LDB3: variants seen among roughly 807,000 people sequenced by gnomAD.
The protein encoded by LDB3 is LIM domain binding 3, also known as LIM domain-binding protein 3.
LDB3 carries 49 observed loss-of-function variants against 69.0 expected under a neutral mutation model. The ratio of observed to expected loss-of-function variants is 0.71; its 90% CI spans 0.56 to 0.90. The LOEUF (loss-of-function observed/expected upper bound fraction) is 0.90, where lower values mean the gene tolerates loss of function less well. LDB3 is among the 40% of genes least tolerant of loss of function. The pLI is 0.00. For synonymous variants in LDB3, 387 were observed against 396.2 expected (o/e 0.98, Z 0.28); for missense variants, 928 against 974.1 (o/e 0.95, Z 0.63).
Position 86,680,109 on chromosome 10 carries a change from G to T in LDB3, c.273G>T (p.Thr91=). Residue 91 remains threonine, a synonymous_variant, in exon 4 of 14, where the codon ACG becomes ACT. Transcript: ENST00000361373. ...CAAAGCGTCCCATTCCCATCTCCAC[G>T]ACAGCACCTCCAGTCCAGACCCCTC... is the stretch of plus-strand genomic sequence containing the variant. The part of the protein sequence containing the change: ...QKSKRPIPIS[T]TAPPVQTPLP... 2 of 1,614,120 alleles carry T rather than the reference G, an allele frequency of 1.2e-6. No homozygotes were observed. The highest frequency in any genetic ancestry group is 1.7e-6 in the Non-Finnish European group (2 of 1,179,986).
intron 3 of LDB3, 33 bp downstream of exon 3, chr10:86,679,551 G>A: frequency 6.2e-7 from 1 of 1,612,394 alleles, no homozygotes; most frequent in East Asian, 2.2e-5. Context: ...AGGGGGCGGA[G>A]GTTTGGGTGT....
At chr10:86,713,711 C>T (rs1355039727) in intron 9 of LDB3, among the ~76,000 whole-genome samples, 2 of 152,208 alleles carry the variant, frequency 1.3e-5, no homozygotes, top group Non-Finnish European at 2.9e-5. Context: ...CACTTCTTCC[C>T]CCAGCATTTT....
intron 7 of LDB3, among the ~76,000 whole-genome samples, chr10:86,696,967 T>C (rs117340659): frequency 0.054 from 8,233 of 152,252 alleles, 341 homozygotes; most frequent in Non-Finnish European, 0.073. Flanking sequence ...AAATATGTTA[T>C]ATGTTAGCAG....
At chr10:86,677,865 T>C (rs1258798708) in intron 2 of LDB3, among the ~76,000 whole-genome samples, 5 of 152,152 alleles carry the variant, frequency 3.3e-5, no homozygotes, top group East Asian at 1.9e-4. Flanking sequence ...ACTAAGATGC[T>C]TTTGAGTGGG....
intron 9 of LDB3, among the ~76,000 whole-genome samples, chr10:86,711,286 G>C (rs775343441): frequency 2.0e-5 from 3 of 152,150 alleles, no homozygotes; most frequent in Non-Finnish European, 4.4e-5. Flanking sequence ...GGCTCCGGGG[G>C]CGCGCGGCCA....
chr10:86,670,311 T>C (rs1240310982), intron 2 of LDB3, among the ~76,000 whole-genome samples: 1 of 152,126 alleles, frequency 6.6e-6, no homozygotes, highest in Non-Finnish European at 1.5e-5. Context: ...CCTGTGAGCA[T>C]GTGAGCCCCA....
chr10:86,732,003 C>CTTTTTTTTT lies in LDB3; in HGVS notation c.2095-879_2095-878insTTTTTTTTT, dbSNP rs755552822. ...TTAACTAATTTTCTTTTCTTTCTTT[C>CTTTTTTTTT]TTTTTCTTTTTTTTTTTTTTTGGTA... is the stretch of plus-strand genomic sequence containing the variant. On this transcript the variant is annotated intron_variant, in intron 13 of 13. Coordinates refer to ENST00000361373, the MANE Select transcript of LDB3 (RefSeq NM_007078.3). Among the ~76,000 whole-genome samples the CTTTTTTTTT allele has an allele frequency of 2.4e-4, 29 of 123,210 alleles. 2 individuals carry two copies. Among genetic ancestry groups the CTTTTTTTTT allele is most frequent in the African/African-American group, 5.8e-4 (18 of 31,252 alleles). 80.8% of individuals were successfully genotyped at this position (123,210 alleles called of 152,430 possible).
chr10:86,690,479 C>G (rs1334333288), intron 5 of LDB3, among the ~76,000 whole-genome samples: 1 of 152,234 alleles, frequency 6.6e-6, no homozygotes, highest in African/African-American at 2.4e-5. Flanking sequence ...GCTGCCAGTA[C>G]CTATAGCTCT....
chr10:86,702,445 G>A (rs763162469), intron 7 of LDB3, among the ~76,000 whole-genome samples: 1 of 152,198 alleles, frequency 6.6e-6, no homozygotes, highest in Non-Finnish European at 1.5e-5. Context: ...CAGTCAACAT[G>A]CTCCACCTTG....
intron 5 of LDB3, chr10:86,685,787 T>C (rs1845435143): frequency 6.9e-7 from 1 of 1,446,252 alleles, no homozygotes; most frequent in African/African-American, 1.4e-5. Flanking sequence ...AGAGTGTGCC[T>C]GCTGGCATGT....
intron 2 of LDB3, among the ~76,000 whole-genome samples, chr10:86,677,160 T>TC (rs984883991): frequency 1.3e-5 from 2 of 152,184 alleles, no homozygotes; most frequent in African/African-American, 4.8e-5. Flanking sequence ...TCCTGTGATG[T>TC]CCCTGAAGGC....
intron 2 of LDB3, among the ~76,000 whole-genome samples, chr10:86,678,915 T>C (rs1229532508): frequency 5.9e-5 from 9 of 152,000 alleles, no homozygotes; most frequent in African/African-American, 1.5e-4. Flanking sequence ...GCTGGGATTA[T>C]AGGCATGAGC....
At position 86,706,575 on chromosome 10, in the gene LDB3, C is replaced by G; in HGVS notation, c.941C>G (p.Thr314Ser). Residue 314 changes from threonine to serine, a missense_variant, in exon 8 of 14, where the codon ACC becomes AGC. Transcript: ENST00000361373. The stretch of plus-strand genomic sequence containing the variant: ...CCGGTGTGCACCAGCCAGGCCACCA[C>G]CCCGCTGCTGCCCGCTTCTGCCCAG... Reference protein sequence around the residue: ...HAPVCTSQATTPLLPASAQPP... With the variant: ...HAPVCTSQATSPLLPASAQPP... 2 of 1,613,200 alleles carry G rather than the reference C, an allele frequency of 1.2e-6. No individual in the cohort carries two copies. The highest frequency in any genetic ancestry group is 1.7e-6 in the Non-Finnish European group (2 of 1,179,984).
chr10:86,692,437 C>A (rs1486119934), intron 6 of LDB3, 98 bp from the exon 7 acceptor site: 9 of 1,222,808 alleles, frequency 7.4e-6, no homozygotes, highest in South Asian at 3.6e-5. Flanking sequence ...CCGTGTGGGG[C>A]CTGGCTGAAT....
At chr10:86,670,416 G>T (rs956042125) in intron 2 of LDB3, among the ~76,000 whole-genome samples, 7 of 152,078 alleles carry the variant, frequency 4.6e-5, no homozygotes, top group Non-Finnish European at 8.8e-5. Context: ...CTCTCTCATG[G>T]GCCCTGTGGC....
rs1261799343 is a variant in LDB3, at chr10:86,699,536, C to T, written c.896+6965C>T. 16 of 1,489,990 alleles carry T rather than the reference C, an allele frequency of 1.1e-5. No homozygotes were observed. Among genetic ancestry groups the T allele is most frequent in the Non-Finnish European group, 1.4e-5 (16 of 1,121,646 alleles). 92.3% of individuals were successfully genotyped at this position (1,489,990 alleles called of 1,614,324 possible). A position where few individuals can be genotyped will look rare whatever the true frequency, so the allele number is the denominator to read the frequency against. On this transcript the variant is annotated intron_variant, in intron 7 of 13. Transcript: ENST00000361373. The surrounding 1 kb of genome is among the most constrained non-coding windows in gnomAD (Gnocchi z 4.9). ...CAGCATTTCTGTCCTCTGCCCACCCCAGAGCTGATGCTGGGGCCCAGCCCC... is the reference window on the plus strand; with the variant it reads ...CAGCATTTCTGTCCTCTGCCCACCCTAGAGCTGATGCTGGGGCCCAGCCCC...
At chr10:86,704,674 G>A (rs966842678) in intron 7 of LDB3, among the ~76,000 whole-genome samples, 1 of 151,456 alleles carries the variant, frequency 6.6e-6, no homozygotes, top group Non-Finnish European at 1.5e-5. Context: ...CCACCTCCTG[G>A]GTTCACGCCA....
rs1401884214 is a variant in LDB3 at position 86,679,524 on chromosome 10, T to C, written c.245+6T>C. 6.2e-7 allele frequency: 1 copy of C among 1,613,546 alleles called. No individual in the cohort carries two copies. Among genetic ancestry groups the C allele is most frequent in the South Asian group, 1.1e-5 (1 of 91,080 alleles). ...TTGAGCCTCACCCTGCAGAAGTAGG[T>C]GGGAGCTCTCCAGAGCAGGGGGCGG... On this transcript the variant is annotated splice_donor_region_variant and intron_variant, in intron 3 of 13. Transcript: ENST00000361373.
Position 86,699,736 on chromosome 10 carries a change from T to C in LDB3, c.897-6795T>C. ...GGGAAATGGATGGGCCGCTGCTCAG[T>C]TTCCCACCATCCTCAGCTCCTGGCC... On this transcript the variant is annotated intron_variant, in intron 7 of 13. Coordinates refer to ENST00000361373, the MANE Select transcript of LDB3 (RefSeq NM_007078.3). The surrounding 1 kb of genome is among the most constrained non-coding windows in gnomAD (Gnocchi z 4.9). 8.8e-7 allele frequency: 1 copy of C among 1,130,844 alleles called. No individual in the cohort carries two copies. Among genetic ancestry groups the C allele is most frequent in the South Asian group, 2.3e-5 (1 of 43,500 alleles). 70.1% of individuals were successfully genotyped at this position (1,130,844 alleles called of 1,614,324 possible).
Sources: allele counts gnomAD v4.1 joint callset (sites outside exome capture counted in the v4.1 genomes callset), GRCh38; gene constraint gnomAD v4.1.1; non-coding constraint Gnocchi (gnomAD v3.1); transcripts MANE v1.5; gene names NCBI Gene and HGNC (gene_info 2026-07-23, HGNC 2026-07-21).